Variants in ATRNL1 observed in about 807,000 individuals in gnomAD.
ATRNL1 encodes attractin-like protein 1.
ATRNL1 carries 95 observed loss-of-function variants against 182.7 expected under a neutral mutation model. The observed-to-expected ratio is 0.52, with a 90% CI of 0.44 to 0.62. The LOEUF is 0.62. Ranked by LOEUF, ATRNL1 falls within the 20% of genes least tolerant of loss-of-function variation. The pLI is 0.00. For missense variants in ATRNL1, 1,471 were observed against 1,679.5 expected (o/e 0.88, Z 2.17); for synonymous variants, 576 against 568.3 (o/e 1.01, Z -0.19).
At chr10:115,773,709 T>A (rs1242882934) in intron 27 of ATRNL1, among the ~76,000 whole-genome samples, 1 of 152,168 alleles carries the variant, frequency 6.6e-6, no homozygotes, top group Non-Finnish European at 1.5e-5. Flanking sequence ...CTCATTTTAT[T>A]TGATGGTAGT....
Position 115,120,243 on chromosome 10 carries a change from A to G in ATRNL1, c.352A>G (p.Lys118Glu). 6.4e-7 allele frequency: 1 copy of G among 1,574,734 alleles called. No individual in the cohort carries two copies. Among genetic ancestry groups the G allele is most frequent in the Non-Finnish European group, 8.7e-7 (1 of 1,147,716 alleles). ...DGPINYKYKT[K>E]CTWLIEGYPN... ...CCCAATTAACTATAAATATAAAACT[A>G]AATGTACTTGGCTCATTGAAGGCTA... Residue 118 changes from lysine to glutamate, a missense_variant, in exon 2 of 29, where the codon AAA (lysine) becomes GAA (glutamate). Lys to Glu is a moderately conservative substitution (Grantham distance 56). Transcript: ENST00000355044.
At chr10:115,886,439 G>A (rs912378339) in intron 28 of ATRNL1, among the ~76,000 whole-genome samples, 21 of 152,266 alleles carry the variant, frequency 1.4e-4, no homozygotes, top group African/African-American at 4.3e-4. Flanking sequence ...GCTTGAACCC[G>A]TGAGGCGGAG....
rs782148351 is a variant in ATRNL1, at chr10:115,300,147, T to C, written c.2529T>C (p.Asp843=). The change falls in exon 16 of 29, where the codon GAT becomes GAC. Residue 843 remains aspartate (D), a synonymous_variant. Transcript: ENST00000355044. ...TLQWLPGEPN[D]SGFCAYLERA... ...AGTGGCTTCCTGGCGAACCCAATGA[T>C]TCTGGGTTTTGTGCATATCTGGAAA... 23 of 1,614,014 alleles carry C rather than the reference T, an allele frequency of 1.4e-5. No homozygotes were observed. Among genetic ancestry groups the C allele is most frequent in the Non-Finnish European group, 1.9e-5 (22 of 1,179,872 alleles).
At chr10:115,874,922 C>T (rs1404945026) in intron 28 of ATRNL1, among the ~76,000 whole-genome samples, 5 of 152,102 alleles carry the variant, frequency 3.3e-5, no homozygotes, top group South Asian at 2.1e-4. Context: ...TTTAAATGCA[C>T]AGTTTTGAGG....
At chr10:115,425,940 G>T (rs1224137861) in intron 20 of ATRNL1, among the ~76,000 whole-genome samples, 2 of 151,880 alleles carry the variant, frequency 1.3e-5, no homozygotes, top group African/African-American at 4.8e-5. Context: ...TGTTTATTAA[G>T]GCAGGATACA....
chr10:115,545,653 A>T (rs189321195), intron 25 of ATRNL1, among the ~76,000 whole-genome samples: 39 of 152,338 alleles, frequency 2.6e-4, no homozygotes, highest in African/African-American at 8.7e-4. Flanking sequence ...CTCAAACTGA[A>T]TCTTTATTAT....
intron 8 of ATRNL1, among the ~76,000 whole-genome samples, chr10:115,183,686 A>G (rs1847831505): frequency 6.6e-6 from 1 of 151,522 alleles, no homozygotes; most frequent in African/African-American, 2.4e-5. Flanking sequence ...AAAGTGGAGA[A>G]AGCACCAGGC....
At chr10:115,756,059 T>C (rs1402641834) in intron 27 of ATRNL1, among the ~76,000 whole-genome samples, 2 of 152,174 alleles carry the variant, frequency 1.3e-5, no homozygotes, top group Non-Finnish European at 2.9e-5. Flanking sequence ...TTCTCTCTTT[T>C]CTTCTTTATT....
chr10:115,257,755 C>A (rs2133861371), intron 10 of ATRNL1, among the ~76,000 whole-genome samples: 1 of 152,320 alleles, frequency 6.6e-6, no homozygotes, highest in African/African-American at 2.4e-5. Context: ...CCGTTTGTTT[C>A]TTTCCATGTT....
At chr10:115,121,145 C>T (rs1264779) in intron 2 of ATRNL1, among the ~76,000 whole-genome samples, 6,230 of 152,052 alleles carry the variant, frequency 0.041, 425 homozygotes, top group African/African-American at 0.14. Flanking sequence ...CAGAGCCTCA[C>T]TCTGTTACCC....
intron 19 of ATRNL1, among the ~76,000 whole-genome samples, chr10:115,383,998 T>C (rs1858186168): frequency 6.6e-6 from 1 of 152,030 alleles, no homozygotes; most frequent in Admixed American, 6.5e-5. Flanking sequence ...ATTTAAAATA[T>C]ATTATTTTGC....
At chr10:115,858,905 G>A (rs1951247741) in intron 28 of ATRNL1, among the ~76,000 whole-genome samples, 1 of 152,024 alleles carries the variant, frequency 6.6e-6, no homozygotes, top group Non-Finnish European at 1.5e-5. Context: ...AAATATTAGA[G>A]TCTCGGTGAC....
intron 28 of ATRNL1, among the ~76,000 whole-genome samples, chr10:115,944,114 C>T (rs1418085344): frequency 6.6e-6 from 1 of 151,710 alleles, no homozygotes; most frequent in African/African-American, 2.4e-5. Context: ...GGTGGATACC[C>T]TGCATTATGC....
intron 28 of ATRNL1, among the ~76,000 whole-genome samples, chr10:115,860,530 TA>T (rs111291148): frequency 0.029 from 4,420 of 151,122 alleles, 163 homozygotes; most frequent in African/African-American, 0.091. Context: ...AATAGATACA[TA>T]AAAAAAAATG....
rs183948682 is a variant in ATRNL1, at chr10:115,922,639, G to A, written c.4019-22019G>A. Among the ~76,000 whole-genome samples the A allele has an allele frequency of 1.2e-4, 18 of 152,192 alleles. No homozygotes were observed. The South Asian group carries it at 1.2e-3, about 11-fold the overall frequency. On this transcript the variant is annotated intron_variant, in intron 28 of 28. Transcript: ENST00000355044. ...AATCACTGTACTCAGCCTGGGAAGC[G>A]TGGGATAGTTTTCGTTTTCAAAAGT...
chr10:115,864,630 G>A (rs1027702829), intron 28 of ATRNL1, among the ~76,000 whole-genome samples: 1 of 152,258 alleles, frequency 6.6e-6, no homozygotes, highest in Non-Finnish European at 1.5e-5. Flanking sequence ...ATGTTGCATG[G>A]AGAAGAGCAA....
chr10:115,281,537 C>G, intron 14 of ATRNL1, 50 bp downstream of exon 14: 1 of 1,557,158 alleles, frequency 6.4e-7, no homozygotes, highest in African/African-American at 1.4e-5. Context: ...CAGATAAATA[C>G]TGACATAGAA....
At chr10:115,242,380 A>C (rs1369092857) in intron 10 of ATRNL1, among the ~76,000 whole-genome samples, 1 of 151,950 alleles carries the variant, frequency 6.6e-6, no homozygotes, top group African/African-American at 2.4e-5. Context: ...GAATGTATTT[A>C]TTGAAATACT....
chr10:115,206,069 G>A (rs1162200264), intron 8 of ATRNL1, among the ~76,000 whole-genome samples: 8 of 151,896 alleles, frequency 5.3e-5, no homozygotes, highest in Admixed American at 2.6e-4. Context: ...ACACTTATCC[G>A]TGTAGGATAT....
Sources: allele counts gnomAD v4.1 joint callset (sites outside exome capture counted in the v4.1 genomes callset), GRCh38; gene constraint gnomAD v4.1.1; transcripts MANE v1.5; gene names NCBI Gene and HGNC (gene_info 2026-07-23, HGNC 2026-07-21).